Variants in SORCS2 observed in about 807,000 individuals in gnomAD.
SORCS2 encodes the protein VPS10 domain-containing receptor SorCS2.
Under a neutral mutation model 141.6 loss-of-function variants are expected in SORCS2, and 100 were observed. The observed-to-expected ratio is 0.71, with a 90% CI of 0.60 to 0.83. The LOEUF (loss-of-function observed/expected upper bound fraction) is 0.83. SORCS2 is among the 40% of genes least tolerant of loss of function. The probability of loss-of-function intolerance (pLI) is 0.00; values close to 1 mark genes in which losing one functional copy is unlikely to be tolerated. For missense variants in SORCS2, 1,646 were observed against 1,560.2 expected, an observed-to-expected ratio of 1.05 and a Z score of -0.93; for synonymous variants, 789 against 676.9, an observed-to-expected ratio of 1.17 and a Z score of -2.57.
intron 23 of SORCS2, among the ~76,000 whole-genome samples, chr4:7,730,538 G>A (rs1235313944): frequency 6.6e-6 from 1 of 152,198 alleles, no homozygotes; most frequent in Non-Finnish European, 1.5e-5. Flanking sequence ...CCTTACAATG[G>A]AATATTCTTT....
Position 7,453,922 on chromosome 4 carries a change from G to T in SORCS2, c.548+57567G>T, listed in dbSNP as rs527884979. ...TGTTGGGTTCAGGTGCTGTGTTGGG[G>T]TCAGGCACTGTGTTGGGGTCAGGAG... On this transcript the variant is annotated intron_variant, in intron 2 of 26. Coordinates refer to ENST00000507866, the MANE Select transcript of SORCS2 (RefSeq NM_020777.3). Among the ~76,000 whole-genome samples the T allele has an allele frequency of 1.0e-4, 14 of 133,630 alleles. No homozygotes were observed. In the East Asian group the frequency reaches 2.2e-3, roughly 21 times the overall value. The allele number at this position is 133,630 out of a possible 152,430, so 87.7% of individuals were successfully genotyped here.
At chr4:7,564,866 C>CT (rs981009938) in intron 3 of SORCS2, among the ~76,000 whole-genome samples, 19 of 152,114 alleles carry the variant, frequency 1.2e-4, no homozygotes, top group South Asian at 4.2e-4. Flanking sequence ...AGCTGTCTGG[C>CT]TTTTTTTTGT....
At chr4:7,602,133 C>A (rs1264346658) in intron 3 of SORCS2, among the ~76,000 whole-genome samples, 2 of 152,276 alleles carry the variant, frequency 1.3e-5, no homozygotes, top group Non-Finnish European at 2.9e-5. Context: ...CCCACTTCCA[C>A]TCGACAAAAC....
intron 1 of SORCS2, among the ~76,000 whole-genome samples, chr4:7,348,547 GTGT>G (rs1281865512): frequency 2.0e-5 from 3 of 152,116 alleles, no homozygotes; most frequent in African/African-American, 7.2e-5. Flanking sequence ...TTTCAATCTT[GTGT>G]TGTTGTTTTT....
intron 2 of SORCS2, among the ~76,000 whole-genome samples, chr4:7,415,121 GT>G (rs1273225146): frequency 6.6e-6 from 1 of 152,218 alleles, no homozygotes; most frequent in African/African-American, 2.4e-5. Context: ...AGCTGCCGGG[GT>G]TTTGGGGCAC....
At chr4:7,689,167 A>G (rs945401941) in intron 10 of SORCS2, among the ~76,000 whole-genome samples, 1 of 152,072 alleles carries the variant, frequency 6.6e-6, no homozygotes, top group Non-Finnish European at 1.5e-5. Flanking sequence ...CCGTGAGCAG[A>G]GGCACCACAC....
At chr4:7,717,085 G>A (rs1365487332) in intron 17 of SORCS2, among the ~76,000 whole-genome samples, 4 of 152,228 alleles carry the variant, frequency 2.6e-5, no homozygotes, top group Non-Finnish European at 4.4e-5. Context: ...TGTAGCCTGA[G>A]GGAGCTTCAC....
intron 1 of SORCS2, among the ~76,000 whole-genome samples, chr4:7,212,013 C>T (rs565036871): frequency 2.0e-5 from 3 of 152,312 alleles, no homozygotes; most frequent in South Asian, 2.1e-4. Flanking sequence ...TAAATCCCCT[C>T]GGTGGCCTGA....
At chr4:7,529,826 T>C (rs1462502549) in intron 2 of SORCS2, among the ~76,000 whole-genome samples, 1 of 152,198 alleles carries the variant, frequency 6.6e-6, no homozygotes, top group Non-Finnish European at 1.5e-5. Context: ...GTCCTAATTA[T>C]ACCTCCACTG....
intron 1 of SORCS2, among the ~76,000 whole-genome samples, chr4:7,247,529 G>A (rs920866449): frequency 6.6e-6 from 1 of 152,240 alleles, no homozygotes; most frequent in Non-Finnish European, 1.5e-5. Context: ...ACAAAGCAAA[G>A]AAGCAAGTTT....
intron 1 of SORCS2, among the ~76,000 whole-genome samples, chr4:7,226,100 T>C (rs1728975702): frequency 1.3e-5 from 2 of 152,104 alleles, no homozygotes. Context: ...CTCTATAGCC[T>C]GGGGGCCTCT....
At chr4:7,438,149 C>A (rs1417387617) in intron 2 of SORCS2, among the ~76,000 whole-genome samples, 2 of 152,222 alleles carry the variant, frequency 1.3e-5, no homozygotes, top group Non-Finnish European at 2.9e-5. Flanking sequence ...TTTCCCAGGT[C>A]CAGCCCCAGT....
chr4:7,360,348 A>G (rs1444303186), intron 1 of SORCS2, among the ~76,000 whole-genome samples: 1 of 152,068 alleles, frequency 6.6e-6, no homozygotes, highest in Non-Finnish European at 1.5e-5. Flanking sequence ...AAGGGGTCCC[A>G]ACCCTGCCTG....
chr4:7,575,382 A>G (rs1170464764), intron 3 of SORCS2, among the ~76,000 whole-genome samples: 1 of 152,326 alleles, frequency 6.6e-6, no homozygotes, highest in Middle Eastern at 3.4e-3. Flanking sequence ...GAGATCTTTT[A>G]TGTCCTTTTT....
At chr4:7,359,458 G>A (rs561685612) in intron 1 of SORCS2, among the ~76,000 whole-genome samples, 4 of 152,192 alleles carry the variant, frequency 2.6e-5, no homozygotes, top group African/African-American at 7.2e-5. Context: ...TCAGGAAAAG[G>A]CATTCAGGAA....
rs556757554 is a variant in SORCS2, at chr4:7,537,120, G to A, written c.648+5491G>A. Reference sequence around the variant, plus strand: ...AGCACAGCCCGGCCCGCTTGGCTGGGGGCTAGAAATCAGCAGCTCCTTACT... The same window carrying A: ...AGCACAGCCCGGCCCGCTTGGCTGGAGGCTAGAAATCAGCAGCTCCTTACT... On this transcript the variant is annotated intron_variant, in intron 3 of 26. Transcript: ENST00000507866. 3.0e-3 allele frequency among the ~76,000 whole-genome samples: 462 copies of A among 152,328 alleles called. 4 individuals are homozygous for A. Among genetic ancestry groups the A allele is most frequent in the African/African-American group, 0.01 (423 of 41,580 alleles).
rs551744631 is a variant in SORCS2 at position 7,199,628 on chromosome 4, C to T, written c.480+6502C>T. On this transcript the variant is annotated intron_variant, in intron 1 of 26. Transcript: ENST00000507866. The stretch of plus-strand genomic sequence containing the variant: ...CACTCTGTGGCCTGGGTGGGGCGGG[C>T]CGCTCTGGGATGGGGAGCTGCGTAG... Among the ~76,000 whole-genome samples, 21 of 151,812 alleles carry T rather than the reference C, an allele frequency of 1.4e-4. No homozygotes were observed. In the South Asian group the frequency reaches 4.0e-3, roughly 29 times the overall value.
Position 7,394,306 on chromosome 4 carries a change from G to A in SORCS2, c.481-1982G>A, listed in dbSNP as rs190312714. Among the ~76,000 whole-genome samples the A allele has an allele frequency of 2.0e-5, 3 of 152,136 alleles. No homozygotes were observed. In the East Asian group the frequency reaches 5.8e-4, roughly 30 times the overall value. ...TATGGCAGGTGCTGTGCCCCGCACT[G>A]GGGAGATAAATAAGGTCCCCACCCT... On this transcript the variant is annotated intron_variant, in intron 1 of 26. Transcript: ENST00000507866.
At chr4:7,287,293 C>T (rs529256289) in intron 1 of SORCS2, among the ~76,000 whole-genome samples, 22 of 152,340 alleles carry the variant, frequency 1.4e-4, no homozygotes, top group African/African-American at 4.1e-4. Context: ...GTGGGGTGTC[C>T]GAGAGGCTCT....
Sources: gnomAD v4.1 joint callset for allele counts (sites outside exome capture counted in the v4.1 genomes callset) on GRCh38, gnomAD v4.1.1 for gene constraint, MANE v1.5 for transcripts, NCBI Gene and HGNC (gene_info 2026-07-23, HGNC 2026-07-21) for gene names.